The following PLXDC2 variants were observed in gnomAD, a reference collection of about 807,000 sequenced individuals.
PLXDC2 encodes plexin domain-containing protein 2.
Under a neutral mutation model 68.9 loss-of-function variants are expected in PLXDC2, and 40 were observed. The ratio of observed to expected loss-of-function variants is 0.58; its 90% confidence interval spans 0.45 to 0.76. The LOEUF is 0.76. Among genes scored for constraint, PLXDC2 ranks in the 30% least tolerant of loss-of-function variants. The probability of loss-of-function intolerance (pLI) is 0.00; values close to 1 mark genes in which losing one functional copy is unlikely to be tolerated. For missense variants in PLXDC2, 644 were observed against 661.9 expected (o/e 0.97, Z 0.30); for synonymous variants, 243 against 234.2 (o/e 1.04, Z -0.34).
intron 4 of PLXDC2, among the ~76,000 whole-genome samples, chr10:20,133,378 T>C (rs1316973744): frequency 6.6e-6 from 1 of 152,220 alleles, no homozygotes; most frequent in East Asian, 1.9e-4. Context: ...CCATTTCTTG[T>C]GAGGTAGTCC....
rs183435493 is a variant in PLXDC2 at position 20,138,933 on chromosome 10, G to A, written c.542-4362G>A. On this transcript the variant is annotated intron_variant, in intron 4 of 13. Coordinates refer to ENST00000377252, the MANE Select transcript of PLXDC2 (RefSeq NM_032812.9). ...GTCTCAGAGAAAAAAAAACAAAAAGGAATATAATATAATTAGTGAAGGCCT... is the reference window on the plus strand; with the variant it reads ...GTCTCAGAGAAAAAAAAACAAAAAGAAATATAATATAATTAGTGAAGGCCT... Among the ~76,000 whole-genome samples the A allele has an allele frequency of 4.4e-3, 672 of 151,972 alleles. 1 individual carries two copies. Among genetic ancestry groups the A allele is most frequent in the Non-Finnish European group, 6.7e-3 (452 of 67,940 alleles).
chr10:20,280,837 G>A lies in PLXDC2; in HGVS notation c.*1018G>A, dbSNP rs955923985. On this transcript the variant is annotated 3_prime_UTR_variant, in exon 14 of 14. Coordinates refer to ENST00000377252, the MANE Select transcript of PLXDC2 (RefSeq NM_032812.9). ...CTAAGAAGCCATTCACGTCAGCATG[G>A]CGATAGAAAGAATGAAAAAACCCTG... 2 of 151,886 alleles carry A rather than the reference G, an allele frequency of 1.3e-5. No individual in the cohort carries two copies. The highest frequency in any genetic ancestry group is 2.9e-5 in the Non-Finnish European group (2 of 67,986). 9.4% of individuals were successfully genotyped at this position (151,886 alleles called of 1,614,324 possible). A position where few individuals can be genotyped will look rare whatever the true frequency, so the allele number is the denominator to read the frequency against.
intron 2 of PLXDC2, among the ~76,000 whole-genome samples, chr10:20,019,891 AT>A (rs1365902773): frequency 1.3e-5 from 2 of 151,952 alleles, no homozygotes; most frequent in Non-Finnish European, 2.9e-5. Context: ...ATTACACAAC[AT>A]TTTTCCAAAA....
chr10:20,058,049 A>T (rs531211468), intron 3 of PLXDC2, among the ~76,000 whole-genome samples: 25 of 152,268 alleles, frequency 1.6e-4, no homozygotes, highest in African/African-American at 5.8e-4. Flanking sequence ...ATTAAAATTG[A>T]ACTTGGTCTA....
At chr10:20,052,235 A>G in intron 3 of PLXDC2, among the ~76,000 whole-genome samples, 1 of 152,224 alleles carries the variant, frequency 6.6e-6, no homozygotes, top group East Asian at 1.9e-4. Flanking sequence ...TTCTTCTTTC[A>G]TAAATGCAAT....
rs549594050 is a variant in PLXDC2, at chr10:19,982,012, G to A, written c.113-19763G>A. Among the ~76,000 whole-genome samples, 9 of 152,324 alleles carry A rather than the reference G, an allele frequency of 5.9e-5. No homozygotes were observed. In the East Asian group the frequency reaches 1.7e-3, roughly 29 times the overall value. On this transcript the variant is annotated intron_variant, in intron 1 of 13. Coordinates refer to ENST00000377252, the MANE Select transcript of PLXDC2 (RefSeq NM_032812.9). Reference sequence around the variant, plus strand: ...TGAAAACACCCACAGCCCTTTGACAGAGTAAAACGAGAATCTCCAGTGCTC... The same window carrying A: ...TGAAAACACCCACAGCCCTTTGACAAAGTAAAACGAGAATCTCCAGTGCTC...
intron 9 of PLXDC2, among the ~76,000 whole-genome samples, chr10:20,184,183 T>C (rs1416968854): frequency 3.3e-5 from 5 of 151,752 alleles, no homozygotes; most frequent in African/African-American, 4.8e-5. Flanking sequence ...TTCTACTGCA[T>C]TTCCCTGAGT....
chr10:20,228,592 C>CAGGA (rs35952817), intron 12 of PLXDC2, among the ~76,000 whole-genome samples: 47,408 of 139,530 alleles, frequency 0.34, 7,813 homozygotes, highest in Non-Finnish European at 0.38. Flanking sequence ...GGCAGGAAGG[C>CAGGA]AGGAAGGAAG....
At chr10:19,920,460 A>G (rs1019744365) in intron 1 of PLXDC2, among the ~76,000 whole-genome samples, 6 of 152,248 alleles carry the variant, frequency 3.9e-5, no homozygotes, top group Non-Finnish European at 7.3e-5. Context: ...CTGAGGATGG[A>G]TGGTGGCTGG....
intron 2 of PLXDC2, among the ~76,000 whole-genome samples, chr10:20,024,549 T>C (rs1835365066): frequency 6.6e-6 from 1 of 152,202 alleles, no homozygotes; most frequent in African/African-American, 2.4e-5. Flanking sequence ...CAGAGGAAAA[T>C]CCAAGGATAA....
intron 1 of PLXDC2, among the ~76,000 whole-genome samples, chr10:19,906,571 C>G: frequency 6.6e-6 from 1 of 151,992 alleles, no homozygotes; most frequent in Non-Finnish European, 1.5e-5. Flanking sequence ...GTGAGAGCCC[C>G]ATAGGGGAGG....
chr10:20,265,492 A>G (rs897723907), intron 13 of PLXDC2, among the ~76,000 whole-genome samples: 1 of 152,198 alleles, frequency 6.6e-6, no homozygotes, highest in Non-Finnish European at 1.5e-5. Context: ...TACTCCATCT[A>G]TATTTATTAA....
chr10:19,966,818 T>A (rs2148302), intron 1 of PLXDC2, among the ~76,000 whole-genome samples: 13 of 142,040 alleles, frequency 9.2e-5, no homozygotes, highest in African/African-American at 3.3e-4. Context: ...ATTTTTTTTT[T>A]CCCCCAGCAT....
At chr10:20,274,049 C>T (rs529657767) in intron 13 of PLXDC2, among the ~76,000 whole-genome samples, 4 of 98,926 alleles carry the variant, frequency 4.0e-5, no homozygotes, top group African/African-American at 1.6e-4. Context: ...GAAAGAAAGA[C>T]GGGAAAGGAA....
chr10:20,224,395 GCT>G (rs1381027631), intron 12 of PLXDC2, among the ~76,000 whole-genome samples: 3 of 152,138 alleles, frequency 2.0e-5, no homozygotes, highest in African/African-American at 7.2e-5. Context: ...CCTAGAAGTA[GCT>G]GACTAGAAGA....
intron 1 of PLXDC2, among the ~76,000 whole-genome samples, chr10:19,956,787 C>T (rs1834077019): frequency 6.6e-6 from 1 of 152,178 alleles, no homozygotes; most frequent in Non-Finnish European, 1.5e-5. Flanking sequence ...TTGTCTAAAA[C>T]TTTTGATTGG....
At chr10:19,978,943 C>T (rs191177707) in intron 1 of PLXDC2, among the ~76,000 whole-genome samples, 5 of 152,208 alleles carry the variant, frequency 3.3e-5, no homozygotes, top group Non-Finnish European at 7.4e-5. Context: ...ACAAAGTAAT[C>T]TTGACTATTA....
At chr10:19,872,811 A>G (rs1288735357) in intron 1 of PLXDC2, among the ~76,000 whole-genome samples, 1 of 152,130 alleles carries the variant, frequency 6.6e-6, no homozygotes, top group Admixed American at 6.5e-5. Context: ...CCCTGGGACA[A>G]GTCAACCCAA....
At chr10:20,155,487 A>C (rs1227721413) in intron 6 of PLXDC2, among the ~76,000 whole-genome samples, 1 of 152,214 alleles carries the variant, frequency 6.6e-6, no homozygotes, top group East Asian at 1.9e-4. Context: ...ATGTACATAT[A>C]TATCTAATAC....
Sources: allele counts gnomAD v4.1 joint callset (sites outside exome capture counted in the v4.1 genomes callset), GRCh38; gene constraint gnomAD v4.1.1; transcripts MANE v1.5; gene names NCBI Gene and HGNC (gene_info 2026-07-23, HGNC 2026-07-21).